The following ARNT variants were observed in gnomAD, a reference collection of about 807,000 sequenced individuals.
ARNT encodes the protein class E basic helix-loop-helix protein 2.
ARNT carries 30 observed loss-of-function variants against 105.0 expected under a neutral mutation model. The ratio of observed to expected loss-of-function variants is 0.29; its 90% CI spans 0.21 to 0.39. The LOEUF (loss-of-function observed/expected upper bound fraction) is 0.39. ARNT is among the 10% of genes least tolerant of loss of function. ARNT has a pLI of 1.00. For synonymous variants in ARNT, 304 were observed against 344.0 expected, an observed-to-expected ratio of 0.88 and a Z score of 1.29; for missense variants, 748 against 978.7, an observed-to-expected ratio of 0.76 and a Z score of 3.15.
chr1:150,821,828 C>CTTTTTTT (rs367766946), intron 14 of ARNT, among the ~76,000 whole-genome samples: 4 of 114,910 alleles, frequency 3.5e-5, no homozygotes, highest in East Asian at 2.4e-4. Context: ...TTTGTATTTT[C>CTTTTTTT]TTTTTTTTTT....
intron 2 of ARNT, among the ~76,000 whole-genome samples, chr1:150,856,544 C>G (rs894834095): frequency 6.6e-6 from 1 of 152,120 alleles, no homozygotes; most frequent in Non-Finnish European, 1.5e-5. Context: ...GGGCATATCA[C>G]CTGAGGTCAG....
At chr1:150,816,915 A>G in intron 17 of ARNT, 25 bp from the exon 18 acceptor site, 2 of 1,606,310 alleles carry the variant, frequency 1.2e-6, no homozygotes, top group Non-Finnish European at 1.7e-6. Context: ...GAGTTGGGGA[A>G]GGGCCAGTCA....
intron 1 of ARNT, among the ~76,000 whole-genome samples, chr1:150,858,663 TAG>T (rs2102297376): frequency 6.6e-6 from 1 of 150,494 alleles, no homozygotes; most frequent in East Asian, 1.9e-4. Flanking sequence ...TTGCCTGGGC[TAG>T]AGTGCACTGG....
chr1:150,859,959 A>G (rs2102317200), intron 1 of ARNT, among the ~76,000 whole-genome samples: 1 of 150,792 alleles, frequency 6.6e-6, no homozygotes. Context: ...GTGAGTCGTG[A>G]TTGCACCACT....
chr1:150,842,522 A>G lies in ARNT; in HGVS notation c.228-54T>C. The G allele has an allele frequency of 3.5e-6, 5 of 1,448,664 alleles. No homozygotes were observed. The South Asian group carries it at 5.8e-5, about 17-fold the overall frequency. The allele number at this position is 1,448,664 out of a possible 1,614,324, so 89.7% of individuals were successfully genotyped here. A position where few individuals can be genotyped will look rare whatever the true frequency, so the allele number is the denominator to read the frequency against. On this transcript the variant is annotated intron_variant, in intron 4 of 21. Transcript: ENST00000358595. Reference sequence around the variant, plus strand: ...AAATTAAAATAAAAAAGAAGGAAGGAAGGGGGGAGGGAGGAAGGGAAAAAA... The same window carrying G: ...AAATTAAAATAAAAAAGAAGGAAGGGAGGGGGGAGGGAGGAAGGGAAAAAA...
intron 19 of ARNT, among the ~76,000 whole-genome samples, chr1:150,815,258 G>T (rs1284018054): frequency 3.9e-5 from 6 of 151,942 alleles, no homozygotes; most frequent in East Asian, 3.9e-4. Flanking sequence ...TATTATAAAA[G>T]AATTTTTCGG....
intron 7 of ARNT, 29 bp downstream of exon 7, chr1:150,836,251 C>A: frequency 1.3e-6 from 2 of 1,594,764 alleles, no homozygotes; most frequent in South Asian, 2.2e-5. Context: ...AAGGACTTCT[C>A]ATTCATTTCC....
intron 3 of ARNT, among the ~76,000 whole-genome samples, chr1:150,846,656 T>C (rs933184785): frequency 4.6e-5 from 7 of 152,190 alleles, no homozygotes; most frequent in Non-Finnish European, 7.3e-5. Flanking sequence ...TGTATACCAT[T>C]TTTAAGTGTA....
chr1:150,840,133 T>C (rs587619472), intron 5 of ARNT, among the ~76,000 whole-genome samples: 37 of 152,026 alleles, frequency 2.4e-4, no homozygotes, highest in Non-Finnish European at 1.2e-4. Flanking sequence ...CCCAGCTACT[T>C]GGGAGGCTGA....
intron 10 of ARNT, chr1:150,831,426 T>A (rs1292736060): frequency 6.0e-6 from 1 of 167,484 alleles, no homozygotes. Context: ...ATCCTCTTGA[T>A]AAGTTATTAC....
chr1:150,836,240 A>T (rs1479142029), intron 7 of ARNT, 40 bp downstream of exon 7: 1 of 1,590,588 alleles, frequency 6.3e-7, no homozygotes, highest in Non-Finnish European at 8.6e-7. Context: ...AAAAAACAAG[A>T]AAGGACTTCT....
At chr1:150,851,068 G>C (rs1663344578) in intron 3 of ARNT, among the ~76,000 whole-genome samples, 1 of 150,380 alleles carries the variant, frequency 6.6e-6, no homozygotes, top group Non-Finnish European at 1.5e-5. Flanking sequence ...CGTCTGAGAA[G>C]TGAGGAGCCC....
intron 8 of ARNT, 144 bp from the exon 9 acceptor site, chr1:150,832,543 C>G (rs1659533045): frequency 5.4e-6 from 4 of 737,722 alleles, no homozygotes; most frequent in Middle Eastern, 2.8e-4. Flanking sequence ...AAAGATAGGT[C>G]AAGTTTAGTA....
intron 14 of ARNT, among the ~76,000 whole-genome samples, chr1:150,821,832 T>TC (rs958853067): frequency 7.8e-5 from 5 of 64,124 alleles, no homozygotes; most frequent in African/African-American, 1.8e-4. Context: ...TATTTTCTTT[T>TC]TTTTTTTTTT....
intron 21 of ARNT, chr1:150,812,663 T>C (rs1325990628): frequency 2.0e-5 from 3 of 152,864 alleles, no homozygotes; most frequent in Non-Finnish European, 4.4e-5. Flanking sequence ...TCTATATTCA[T>C]TCCAATTTTA....
At chr1:150,852,911 G>C in intron 2 of ARNT, 105 bp from the exon 3 acceptor site, 2 of 1,364,232 alleles carry the variant, frequency 1.5e-6, no homozygotes, top group Admixed American at 3.8e-5. Context: ...CCAAATGGAA[G>C]AATGGAAAGA....
At chr1:150,870,725 TC>T (rs1157450172) in intron 1 of ARNT, among the ~76,000 whole-genome samples, 3 of 151,846 alleles carry the variant, frequency 2.0e-5, no homozygotes, top group Non-Finnish European at 4.4e-5. Flanking sequence ...CCCAGGCTGG[TC>T]TCAAACTTTT....
chr1:150,835,580 A>T lies in ARNT; in HGVS notation c.700+700T>A, dbSNP rs587603446. On this transcript the variant is annotated intron_variant, in intron 7 of 21. Coordinates refer to ENST00000358595, the MANE Select transcript of ARNT (RefSeq NM_001668.4). ...TGTGCCACCGTACTCCAGCCTAGGC[A>T]AGAGAGAGACCCTGTCTCTTTTTTG... 1.4e-4 allele frequency among the ~76,000 whole-genome samples: 21 copies of T among 152,326 alleles called. No homozygotes were observed. The South Asian group carries it at 4.3e-3, about 32-fold the overall frequency.
At chr1:150,858,809 G>C (rs1239248322) in intron 1 of ARNT, among the ~76,000 whole-genome samples, 6 of 148,070 alleles carry the variant, frequency 4.1e-5, no homozygotes, top group Admixed American at 3.4e-4. Flanking sequence ...TTTTTTTAGA[G>C]ATGGGGTCTT....
Sources: gnomAD v4.1 joint callset for allele counts (sites outside exome capture counted in the v4.1 genomes callset) on GRCh38, gnomAD v4.1.1 for gene constraint, MANE v1.5 for transcripts, NCBI Gene and HGNC (gene_info 2026-07-23, HGNC 2026-07-21) for gene names.